Variants in TXNRD2 observed in about 807,000 individuals in gnomAD.
TXNRD2 encodes thioredoxin reductase 2, mitochondrial.
Under a neutral mutation model 70.8 loss-of-function variants are expected in TXNRD2, and 67 were observed. The observed-to-expected ratio is 0.95, with a 90% CI of 0.78 to 1.16. The LOEUF (loss-of-function observed/expected upper bound fraction) is 1.16. Ranked by LOEUF, TXNRD2 falls within the 50% of genes most tolerant of loss-of-function variation. The pLI, the probability that TXNRD2 is intolerant of heterozygous loss-of-function variation, is 0.00. For synonymous variants in TXNRD2, 301 were observed against 295.8 expected, an observed-to-expected ratio of 1.02 and a Z score of -0.18; for missense variants, 644 against 719.9, an observed-to-expected ratio of 0.89 and a Z score of 1.21.
At chr22:19,903,036 T>TG (rs1569086853) in intron 8 of TXNRD2, 1 of 518,664 alleles carries the variant, frequency 1.9e-6, no homozygotes, top group Admixed American at 1.9e-5. Flanking sequence ...CTCTGCCTCT[T>TG]GGAGCCCCAG....
chr22:19,880,796 T>A (rs1229014961), intron 12 of TXNRD2, 79 bp from the exon 13 acceptor site: 9 of 977,546 alleles, frequency 9.2e-6, no homozygotes, highest in Non-Finnish European at 1.4e-5. Flanking sequence ...CCCTTTGCCC[T>A]CCGAGTGGGC....
At chr22:19,909,874 T>TCA (rs1295818653) in intron 8 of TXNRD2, among the ~76,000 whole-genome samples, 2 of 40,634 alleles carry the variant, frequency 4.9e-5, no homozygotes, top group East Asian at 7.0e-4. Context: ...CACACACCAC[T>TCA]CACACACACC....
intron 12 of TXNRD2, among the ~76,000 whole-genome samples, chr22:19,883,006 C>T (rs941546033): frequency 6.6e-6 from 1 of 152,268 alleles, no homozygotes; most frequent in African/African-American, 2.4e-5. Context: ...TGCCTCTAGC[C>T]TACCTGCCAG....
intron 10 of TXNRD2, 81 bp downstream of exon 10, chr22:19,897,958 T>C: frequency 8.6e-7 from 1 of 1,166,182 alleles, no homozygotes; most frequent in Non-Finnish European, 1.2e-6. Flanking sequence ...GGCCCATGAC[T>C]GCACTGCACC....
chr22:19,911,283 G>A (rs1940396476), intron 8 of TXNRD2, 94 bp downstream of exon 8: 1 of 1,037,830 alleles, frequency 9.6e-7, no homozygotes, highest in African/African-American at 1.6e-5. Context: ...CGGAAAGAAA[G>A]CCCCAGGAGC....
chr22:19,917,600 C>A (rs1940695038), intron 5 of TXNRD2, among the ~76,000 whole-genome samples: 1 of 152,110 alleles, frequency 6.6e-6, no homozygotes. Context: ...GCAGCTGAGC[C>A]CCAGGAGAAG....
In TXNRD2 at chr22:19,898,149, G is replaced by C; in HGVS notation, c.683-19C>G. 6.4e-7 allele frequency: 1 copy of C among 1,552,794 alleles called. No homozygotes were observed. The highest frequency in any genetic ancestry group is 8.7e-7 in the Non-Finnish European group (1 of 1,147,884). On this transcript the variant is annotated intron_variant, in intron 9 of 17. Transcript: ENST00000400521. ...GCCACATCTGTGGGGTGCCAGCTAA[G>C]GAGCACTGTAGATCCCAATTTTGGA... is the stretch of plus-strand genomic sequence containing the variant.
chr22:19,940,578 T>G (rs1014781732), intron 1 of TXNRD2, among the ~76,000 whole-genome samples: 4 of 152,190 alleles, frequency 2.6e-5, no homozygotes, highest in African/African-American at 9.7e-5. Flanking sequence ...AGCTTTTCTG[T>G]CTGTTGTCCC....
Position 19,877,037 on chromosome 22 carries a change from T to C in TXNRD2, c.*65+3A>G, listed in dbSNP as rs1938537696. On this transcript the variant is annotated splice_donor_region_variant and intron_variant, in intron 17 of 17. Coordinates refer to ENST00000400521, the MANE Select transcript of TXNRD2 (RefSeq NM_006440.5). ...TCAAACAGAGCCAGCCCCACCTGCA[T>C]ACCTGGGTCTGGCCTCCGAGGAGCT... The C allele has an allele frequency of 3.9e-6, 6 of 1,539,726 alleles. 1 individual carries two copies. The East Asian group carries it at 1.4e-4, about 36-fold the overall frequency.
In TXNRD2 at chr22:19,890,563, C is replaced by T. The variant is rs187676719; in HGVS notation, c.949+4844G>A. Among the ~76,000 whole-genome samples, 171 of 152,206 alleles carry T rather than the reference C, an allele frequency of 1.1e-3. 1 individual carries two copies. The highest frequency in any genetic ancestry group is 1.2e-3 in the Non-Finnish European group (85 of 68,006). On this transcript the variant is annotated intron_variant, in intron 11 of 17. Transcript: ENST00000400521. ...CCTGAGAGCAGTCCTGATGGGCCCA[C>T]CGCAGCCCCCTCGCCCGGGCAGCAT...
intron 10 of TXNRD2, 100 bp from the exon 11 acceptor site, chr22:19,895,681 G>C: frequency 7.2e-7 from 1 of 1,386,990 alleles, no homozygotes; most frequent in Non-Finnish European, 1.0e-6. Context: ...GGGCGGAGAG[G>C]GGTCTGTGCG....
intron 2 of TXNRD2, 45 bp from the exon 3 acceptor site, chr22:19,919,644 C>T: frequency 6.6e-7 from 1 of 1,509,914 alleles, no homozygotes. Flanking sequence ...GGAGCTGGCT[C>T]AGGACTCAAG....
chr22:19,920,840 T>A (rs149066518), intron 2 of TXNRD2, among the ~76,000 whole-genome samples: 4 of 152,112 alleles, frequency 2.6e-5, no homozygotes, highest in Non-Finnish European at 4.4e-5. Flanking sequence ...CAGCGGCTCA[T>A]GCCTGTAATC....
At chr22:19,920,721 G>A (rs1450754286) in intron 2 of TXNRD2, among the ~76,000 whole-genome samples, 1 of 152,200 alleles carries the variant, frequency 6.6e-6, no homozygotes, top group Non-Finnish European at 1.5e-5. Flanking sequence ...CAAATCTCAT[G>A]AACCCTAAAA....
chr22:19,927,776 G>C (rs929080297), intron 2 of TXNRD2, among the ~76,000 whole-genome samples: 1 of 151,918 alleles, frequency 6.6e-6, no homozygotes, highest in African/African-American at 2.4e-5. Flanking sequence ...GGTGCTTCAG[G>C]GCCAACTGCC....
At chr22:19,888,436 A>G (rs1939122557) in intron 11 of TXNRD2, among the ~76,000 whole-genome samples, 2 of 152,238 alleles carry the variant, frequency 1.3e-5, no homozygotes, top group Non-Finnish European at 2.9e-5. Context: ...CGCATGCAGT[A>G]TCATGCGCCT....
intron 1 of TXNRD2, among the ~76,000 whole-genome samples, chr22:19,939,120 G>C (rs1221234093): frequency 6.6e-6 from 1 of 152,146 alleles, no homozygotes; most frequent in Non-Finnish European, 1.5e-5. Flanking sequence ...GTGCCCACTA[G>C]GAGACTTAAA....
intron 12 of TXNRD2, 37 bp from the exon 13 acceptor site, chr22:19,880,754 G>A (rs765505550): frequency 1.3e-6 from 2 of 1,511,184 alleles, no homozygotes; most frequent in East Asian, 2.3e-5. Context: ...TCAGCACCAT[G>A]TCCGGGGTTA....
chr22:19,911,746 G>A (rs1249115273), intron 7 of TXNRD2, among the ~76,000 whole-genome samples: 1 of 152,154 alleles, frequency 6.6e-6, no homozygotes, highest in Non-Finnish European at 1.5e-5. Context: ...GGCCTGAGGT[G>A]GGTACAGCAA....
Sources: allele counts gnomAD v4.1 joint callset (sites outside exome capture counted in the v4.1 genomes callset), GRCh38; gene constraint gnomAD v4.1.1; transcripts MANE v1.5; gene names NCBI Gene and HGNC (gene_info 2026-07-23, HGNC 2026-07-21).